Variants in QRICH2 observed in about 807,000 individuals in gnomAD.
QRICH2 encodes the protein glutamine-rich protein 2.
A neutral mutation model predicts 168.3 loss-of-function variants in QRICH2; 119 were observed. That is an observed-to-expected ratio of 0.71 (90% confidence interval 0.61 to 0.82). The LOEUF is 0.82. Ranked by LOEUF, QRICH2 falls within the 40% of genes least tolerant of loss-of-function variation. The probability of loss-of-function intolerance (pLI) is 0.00; values close to 1 mark genes in which losing one functional copy is unlikely to be tolerated. For missense variants in QRICH2, 2,241 were observed against 2,491.6 expected, an observed-to-expected ratio of 0.90 and a Z score of 2.14; for synonymous variants, 894 against 951.2, an observed-to-expected ratio of 0.94 and a Z score of 1.11.
At chr17:76,294,350 G>A (rs746163539) in intron 3 of QRICH2, among the ~76,000 whole-genome samples, 7 of 152,048 alleles carry the variant, frequency 4.6e-5, no homozygotes, top group Non-Finnish European at 8.8e-5. Context: ...CTTGAACCTG[G>A]GAGATGGAGG....
chr17:76,305,142 T>G (rs912578940), intron 1 of QRICH2, among the ~76,000 whole-genome samples: 2 of 150,412 alleles, frequency 1.3e-5, no homozygotes, highest in Non-Finnish European at 2.9e-5. Flanking sequence ...GGTTTCTTCT[T>G]CTACTTGGGT....
chr17:76,304,563 G>T, intron 2 of QRICH2, 38 bp from the exon 3 acceptor site: 1 of 1,425,314 alleles, frequency 7.0e-7, no homozygotes. Flanking sequence ...TACACCCCTT[G>T]ATTAATCCCA....
intron 3 of QRICH2, among the ~76,000 whole-genome samples, chr17:76,297,874 T>TTTTTTTTTTG (rs2070825028): frequency 1.7e-5 from 1 of 60,418 alleles, no homozygotes; most frequent in Non-Finnish European, 2.6e-5. Flanking sequence ...GAATCTGTTT[T>TTTTTTTTTTG]TTTTTTTTTT....
chr17:76,294,222 C>T lies in QRICH2; in HGVS notation c.706-201G>A, dbSNP rs149107473. 2.1e-4 allele frequency among the ~76,000 whole-genome samples: 31 copies of T among 150,360 alleles called. No individual in the cohort carries two copies. The East Asian group carries it at 5.4e-3, about 26-fold the overall frequency. Reference sequence around the variant, plus strand: ...GGTGGATTACTTGAGATCAGGAGTTCGAGACCAGCCTGACCAATATGGTGA... The same window carrying T: ...GGTGGATTACTTGAGATCAGGAGTTTGAGACCAGCCTGACCAATATGGTGA... On this transcript the variant is annotated intron_variant, in intron 3 of 18. Transcript: ENST00000680821.
At chr17:76,296,909 C>A (rs989355141) in intron 3 of QRICH2, among the ~76,000 whole-genome samples, 1 of 152,100 alleles carries the variant, frequency 6.6e-6, no homozygotes, top group East Asian at 1.9e-4. Context: ...TGTGGGGAGA[C>A]GTCCCAAGAT....
chr17:76,284,294 A>C (rs346814), intron 7 of QRICH2, among the ~76,000 whole-genome samples: 66,389 of 141,134 alleles, frequency 0.47, 19,047 homozygotes, highest in African/African-American at 0.65. Flanking sequence ...GATTCAGACA[A>C]TCCTTAGTGA....
In QRICH2 at chr17:76,307,406, C is replaced by T. The variant is rs2071006452; in HGVS notation, c.534+59G>A. 6 of 1,589,046 alleles carry T rather than the reference C, an allele frequency of 3.8e-6. 1 individual carries two copies. The South Asian group carries it at 6.6e-5, about 18-fold the overall frequency. ...CCAGGGTGGTGGGGACTCGGCTAGG[C>T]CTGGAGGGCGGCCTGGAGGAGGCAG... On this transcript the variant is annotated intron_variant, in intron 1 of 18. Transcript: ENST00000680821. The surrounding 1 kb of genome is among the most constrained non-coding windows in gnomAD (Gnocchi z 5.3).
Position 76,291,180 on chromosome 17 carries a change from G to C in QRICH2, c.3547C>G (p.Leu1183Val), listed in dbSNP as rs1367910657. Residue 1183 changes from leucine to valine, a missense_variant, in exon 4 of 19, where the codon CTG becomes GTG. Transcript: ENST00000680821. ...GGGAAACTAGAACTCATTCTACGCA[G>C]TGAATTGCGTCGCTCACTCAGGACT... is the stretch of plus-strand genomic sequence containing the variant. ...SEVLSERRNSLRRMSSSFPTA... is the reference protein window; with the variant it reads ...SEVLSERRNSVRRMSSSFPTA... The C allele has an allele frequency of 1.2e-6, 2 of 1,613,986 alleles. No individual in the cohort carries two copies. Among genetic ancestry groups the C allele is most frequent in the African/African-American group, 2.7e-5 (2 of 74,916 alleles).
chr17:76,302,517 A>G (rs2070923611), intron 3 of QRICH2, among the ~76,000 whole-genome samples: 1 of 152,230 alleles, frequency 6.6e-6, no homozygotes, highest in South Asian at 2.1e-4. Context: ...CGGAGGGAGT[A>G]TCCCGGATTA....
rs1481856761 is a variant in QRICH2, at chr17:76,291,653, A to G, written c.3074T>C (p.Leu1025Pro). 19 of 1,613,966 alleles carry G rather than the reference A, an allele frequency of 1.2e-5. No homozygotes were observed. Among genetic ancestry groups the G allele is most frequent in the Non-Finnish European group, 1.5e-5 (18 of 1,179,974 alleles). Residue 1025 changes from leucine to proline, a missense_variant, in exon 4 of 19, where the codon CTC becomes CCC. Leu to Pro is a moderately conservative substitution (Grantham distance 98). Around this residue, in one of 3 missense-constraint regions of QRICH2, gnomAD observed 2,047 missense variants for 2,303.8 expected, o/e 0.89. Transcript: ENST00000680821. ...TGATGCCAAACCTTGACTGGCTAGG[A>G]GTGGTGACACCTGGCCGTATTGTTC... Reference protein sequence around the residue: ...GREQYGQVSPLLASQGLASPG... With the variant: ...GREQYGQVSPPLASQGLASPG...
Position 76,292,486 on chromosome 17 carries a change from A to ATC in QRICH2, c.2240_2241insGA (p.His747GlnfsTer51), listed in dbSNP as rs2071025741. 1.3e-6 allele frequency: 1 copy of ATC among 760,990 alleles called. No homozygotes were observed. The highest frequency in any genetic ancestry group is 1.2e-4 in the African/African-American group (1 of 8,548). 47.1% of individuals were successfully genotyped at this position (760,990 alleles called of 1,614,324 possible). ...CACCAGGTGGGACCAAACCACGCTG[A>ATC]TGATCTGCACGAGGTTGTGCCAAAC... On this transcript the variant is annotated frameshift_variant, in exon 4 of 19. Coordinates refer to ENST00000680821, the MANE Select transcript of QRICH2 (RefSeq NM_001388453.1). LOFTEE classifies it high-confidence loss of function.
At position 76,293,935 on chromosome 17, in the gene QRICH2, G is replaced by C. The variant is rs1382209382; in HGVS notation, c.792C>G (p.Thr264=). ...GAGCCTGCTCAATACTTGGTTGCTTGGTAGAGTCTCCGCTTAGAGTCCCTT... is the reference window on the plus strand; with the variant it reads ...GAGCCTGCTCAATACTTGGTTGCTTCGTAGAGTCTCCGCTTAGAGTCCCTT... The part of the protein sequence containing the change: ...SPEGTLSGDS[T]KQPSIEQALD... The change falls in exon 4 of 19, where the codon ACC becomes ACG. Residue 264 remains threonine, a synonymous_variant. Transcript: ENST00000680821. 2.5e-6 allele frequency: 4 copies of C among 1,614,014 alleles called. No homozygotes were observed. Among genetic ancestry groups the C allele is most frequent in the African/African-American group, 2.7e-5 (2 of 74,916 alleles).
In QRICH2 at chr17:76,275,849, T is replaced by A. The variant is rs779767734; in HGVS notation, c.5452A>T (p.Ser1818Cys). 1 of 1,607,436 alleles carries A rather than the reference T, an allele frequency of 6.2e-7. No individual in the cohort carries two copies. The highest frequency in any genetic ancestry group is 8.5e-7 in the Non-Finnish European group (1 of 1,179,864). Residue 1818 changes from serine to cysteine, a missense_variant, in exon 18 of 19, where the codon AGC becomes TGC. Physicochemically the swap from Ser to Cys is moderately radical, Grantham distance 112. Transcript: ENST00000680821. ...GTGTTGCCAGCCGAAATCTGGGCGC[T>A]CTGTGGCCGAGAGGGCAGCTGGCCA... is the stretch of plus-strand genomic sequence containing the variant. ...SNGQLPSRPQSAQISAGNTSV... is the reference protein window; with the variant it reads ...SNGQLPSRPQCAQISAGNTSV...
In QRICH2 at chr17:76,291,350, T is replaced by C. The variant is rs771368122; in HGVS notation, c.3377A>G (p.Gln1126Arg). The C allele has an allele frequency of 2.0e-5, 32 of 1,614,008 alleles. 1 individual carries two copies. The highest frequency in any genetic ancestry group is 1.4e-4 in the South Asian group (13 of 91,078). The stretch of plus-strand genomic sequence containing the variant: ...TGTTCTATTTGGATCCAAACCTTCC[T>C]GGCCATGCTGATCAGCACTTAGATA... ...PGYLSADQHG[Q>R]EGLDPNRTRA... The change falls in exon 4 of 19, where the codon CAG (glutamine) becomes CGG (arginine). Residue 1126 changes from glutamine (Q) to arginine (R), a missense_variant. Transcript: ENST00000680821.
At chr17:76,303,636 C>G (rs2070940341) in intron 3 of QRICH2, among the ~76,000 whole-genome samples, 1 of 151,854 alleles carries the variant, frequency 6.6e-6, no homozygotes, top group Admixed American at 6.6e-5. Context: ...TTTGGGAGGC[C>G]GAGGCGGGCG....
At chr17:76,310,930 C>A (rs2071064650), upstream of QRICH2, 2 of 152,142 alleles carry the variant, frequency 1.3e-5, no homozygotes, top group African/African-American at 4.8e-5. Context: ...AAAAGACTAG[C>A]AAGACAACAA....
Position 76,293,295 on chromosome 17 carries a change from G to A in QRICH2, c.1432C>T (p.Pro478Ser). 6.2e-6 allele frequency: 10 copies of A among 1,614,072 alleles called. No individual in the cohort carries two copies. Among genetic ancestry groups the A allele is most frequent in the Non-Finnish European group, 8.5e-6 (10 of 1,180,048 alleles). Residue 478 changes from proline to serine, a missense_variant, in exon 4 of 19, where the codon CCT becomes TCT. Pro to Ser is a moderately conservative substitution (Grantham distance 74). Around this residue, in one of 3 missense-constraint regions of QRICH2, gnomAD observed 2,047 missense variants for 2,303.8 expected, o/e 0.89. Transcript: ENST00000680821. ...VSAYQHGMTF[P>S]GTDQRSMEPL... Reference sequence around the variant, plus strand: ...TCCATACTGCGTTGGTCTGTGCCAGGAAATGTCATACCATGCTGATATGCA... The same window carrying A: ...TCCATACTGCGTTGGTCTGTGCCAGAAAATGTCATACCATGCTGATATGCA...
chr17:76,286,304 G>T (rs1296140776), intron 7 of QRICH2, among the ~76,000 whole-genome samples: 2 of 152,322 alleles, frequency 1.3e-5, no homozygotes, highest in East Asian at 3.9e-4. Flanking sequence ...AGAATGGAAT[G>T]CTATGAAGCC....
intron 5 of QRICH2, 77 bp downstream of exon 5, chr17:76,289,915 C>T (rs1481736251): frequency 1.6e-5 from 15 of 954,952 alleles, no homozygotes; most frequent in Admixed American, 1.8e-5. Flanking sequence ...GGTGCCACTG[C>T]ACTCCAGCCA....
Sources: gnomAD v4.1 joint callset for allele counts (sites outside exome capture counted in the v4.1 genomes callset) on GRCh38, gnomAD v4.1.1 for gene constraint, gnomAD v4.1.1 regional missense constraint, Gnocchi (gnomAD v3.1) non-coding constraint, MANE v1.5 for transcripts, NCBI Gene and HGNC (gene_info 2026-07-23, HGNC 2026-07-21) for gene names.